MEGF11: variants seen among roughly 807,000 people sequenced by gnomAD.
MEGF11 encodes the protein multiple EGF like domains 11, also known as multiple epidermal growth factor-like domains protein 11.
In MEGF11, 126 loss-of-function variants were observed where a neutral mutation model predicts 146.6. That is an observed-to-expected ratio of 0.86 (90% CI 0.74 to 1.00). The LOEUF (loss-of-function observed/expected upper bound fraction) is 1.00. Ranked by LOEUF, MEGF11 falls within the 50% of genes least tolerant of loss-of-function variation. The pLI is 0.00. For missense variants in MEGF11, 1,509 were observed against 1,521.2 expected (o/e 0.99, Z 0.13); for synonymous variants, 532 against 583.4 (o/e 0.91, Z 1.27).
At chr15:65,929,059 C>CT (rs1422271401) in intron 12 of MEGF11, among the ~76,000 whole-genome samples, 6 of 152,118 alleles carry the variant, frequency 3.9e-5, no homozygotes, top group Non-Finnish European at 8.8e-5. Flanking sequence ...TGTATTCCCA[C>CT]TTTAAAGATG....
At chr15:66,196,111 G>A (rs1010865377) in intron 1 of MEGF11, among the ~76,000 whole-genome samples, 24 of 152,104 alleles carry the variant, frequency 1.6e-4, no homozygotes, top group African/African-American at 4.6e-4. Flanking sequence ...GGCTGGAACC[G>A]GGGGAGAACC....
chr15:66,079,614 G>A (rs1006736862), intron 5 of MEGF11, among the ~76,000 whole-genome samples: 39 of 148,520 alleles, frequency 2.6e-4, no homozygotes, highest in African/African-American at 8.8e-4. Context: ...ACAGGCCGAC[G>A]GCTCAGATAT....
chr15:66,003,042 G>A (rs1306917528), intron 5 of MEGF11, among the ~76,000 whole-genome samples: 2 of 151,124 alleles, frequency 1.3e-5, no homozygotes, highest in East Asian at 1.9e-4. Context: ...CCAGGCTGGA[G>A]TCATGCAGTG....
chr15:65,937,685 C>T (rs1390279476), intron 10 of MEGF11, among the ~76,000 whole-genome samples: 1 of 152,254 alleles, frequency 6.6e-6, no homozygotes, highest in Non-Finnish European at 1.5e-5. Flanking sequence ...ACTCTAGTGG[C>T]AGCCTCTTGT....
intron 5 of MEGF11, among the ~76,000 whole-genome samples, chr15:66,010,275 C>G (rs1006920000): frequency 2.7e-4 from 41 of 151,810 alleles, no homozygotes; most frequent in Admixed American, 2.6e-3. Flanking sequence ...TCACTGCAAC[C>G]TCCGCCTCCT....
intron 17 of MEGF11, 174 bp downstream of exon 17, chr15:65,916,654 G>C: frequency 8.6e-7 from 1 of 1,166,562 alleles, no homozygotes; most frequent in South Asian, 1.3e-5. Context: ...ATCCAGTCAG[G>C]TCTGGAGCTG....
intron 1 of MEGF11, among the ~76,000 whole-genome samples, chr15:66,144,322 C>T (rs2089285331): frequency 6.6e-6 from 1 of 152,110 alleles, no homozygotes; most frequent in South Asian, 2.1e-4. Flanking sequence ...ACCAGGAGCT[C>T]CCTGAGAGCA....
chr15:66,195,872 T>G (rs1395553401), intron 1 of MEGF11, among the ~76,000 whole-genome samples: 1 of 152,180 alleles, frequency 6.6e-6, no homozygotes, highest in African/African-American at 2.4e-5. Context: ...TCAAAGCCTG[T>G]GTGGAACTGG....
chr15:66,151,122 T>A (rs2089557257), intron 1 of MEGF11, among the ~76,000 whole-genome samples: 2 of 152,094 alleles, frequency 1.3e-5, no homozygotes. Flanking sequence ...ATTCCCTGAG[T>A]AGGAGAGGAG....
At chr15:66,034,729 G>A (rs1397138917) in intron 5 of MEGF11, among the ~76,000 whole-genome samples, 1 of 152,140 alleles carries the variant, frequency 6.6e-6, no homozygotes, top group African/African-American at 2.4e-5. Context: ...CAAATGCTAT[G>A]GTTTGAATGT....
chr15:66,206,039 A>G (rs1274952438), intron 1 of MEGF11, among the ~76,000 whole-genome samples: 2 of 152,268 alleles, frequency 1.3e-5, no homozygotes, highest in African/African-American at 2.4e-5. Flanking sequence ...TGTTTCTTTG[A>G]GCACTTATGA....
At chr15:66,184,745 C>T (rs2090649031) in intron 1 of MEGF11, among the ~76,000 whole-genome samples, 1 of 151,866 alleles carries the variant, frequency 6.6e-6, no homozygotes, top group African/African-American at 2.4e-5. Flanking sequence ...TCCCAAAGCA[C>T]CGTGTTTCCG....
chr15:65,928,674 CAG>C lies in MEGF11; in HGVS notation c.1573-149_1573-148del, dbSNP rs1312928360. 4.6e-5 allele frequency: 23 copies of C among 496,136 alleles called. No homozygotes were observed. In the East Asian group the frequency reaches 7.4e-4, roughly 16 times the overall value. The allele number at this position is 496,136 out of a possible 1,614,324, so 30.7% of individuals were successfully genotyped here. A position where few individuals can be genotyped will look rare whatever the true frequency, so the allele number is the denominator to read the frequency against. ...ATGACAAAACTGAGCCAGAACCCCA[CAG>C]AGATGCAGGGAGACTGGGGCTGGGG... On this transcript the variant is annotated intron_variant, in intron 12 of 25. Coordinates refer to ENST00000395614, the MANE Select transcript of MEGF11 (RefSeq NM_001385028.1).
chr15:65,982,524 C>G lies in MEGF11; in HGVS notation c.395-36G>C. The G allele has an allele frequency of 2.1e-6, 3 of 1,441,380 alleles. No individual in the cohort carries two copies. Among genetic ancestry groups the G allele is most frequent in the Non-Finnish European group, 2.7e-6 (3 of 1,099,636 alleles). 89.3% of individuals were successfully genotyped at this position (1,441,380 alleles called of 1,614,324 possible). On this transcript the variant is annotated intron_variant, in intron 5 of 25. Coordinates refer to ENST00000395614, the MANE Select transcript of MEGF11 (RefSeq NM_001385028.1). This position sits in a 1 kb window ranked among gnomAD's most constrained non-coding sequence, Gnocchi z 5.6. ...CGGGACAGTCAGGGATCAGGAGCCC[C>G]GAAGGCTCTCCTTGGGGCAGGGGCC... is the stretch of plus-strand genomic sequence containing the variant.
intron 23 of MEGF11, among the ~76,000 whole-genome samples, chr15:65,907,570 C>T (rs1317958624): frequency 6.6e-6 from 1 of 152,208 alleles, no homozygotes; most frequent in East Asian, 1.9e-4. Flanking sequence ...GCTGGGATTA[C>T]AGACGTGAGC....
At chr15:66,225,703 AC>A (rs548182265) in intron 1 of MEGF11, among the ~76,000 whole-genome samples, 113 of 152,032 alleles carry the variant, frequency 7.4e-4, no homozygotes, top group African/African-American at 2.6e-3. Flanking sequence ...CATGCACACA[AC>A]CCCATGCACT....
intron 5 of MEGF11, among the ~76,000 whole-genome samples, chr15:66,077,195 C>A (rs755803360): frequency 5.9e-5 from 9 of 152,338 alleles, no homozygotes; most frequent in Non-Finnish European, 1.3e-4. Flanking sequence ...CCGCTTCAAC[C>A]ACACTGACCT....
intron 1 of MEGF11, among the ~76,000 whole-genome samples, chr15:66,130,212 C>T (rs1214303938): frequency 6.6e-6 from 1 of 152,182 alleles, no homozygotes; most frequent in Non-Finnish European, 1.5e-5. Flanking sequence ...TGGCATTGAG[C>T]TATGCGGAGA....
chr15:66,079,247 T>C (rs191360723), intron 5 of MEGF11, among the ~76,000 whole-genome samples: 414 of 152,264 alleles, frequency 2.7e-3, no homozygotes, highest in Middle Eastern at 6.8e-3. Context: ...GGGATTTTCT[T>C]GGGGGGACAG....
Sources: gnomAD v4.1 joint callset for allele counts (sites outside exome capture counted in the v4.1 genomes callset) on GRCh38, gnomAD v4.1.1 for gene constraint, Gnocchi (gnomAD v3.1) non-coding constraint, MANE v1.5 for transcripts, NCBI Gene and HGNC (gene_info 2026-07-23, HGNC 2026-07-21) for gene names.